Variants in SNX8 observed in about 807,000 individuals in gnomAD.
The protein encoded by SNX8 is sorting nexin-8.
SNX8 carries 25 observed loss-of-function variants against 51.6 expected under a neutral mutation model. The observed-to-expected ratio is 0.48, with a 90% CI of 0.35 to 0.68. The LOEUF (loss-of-function observed/expected upper bound fraction) is 0.68, where lower values mean the gene tolerates loss of function less well. Among genes scored for constraint, SNX8 ranks in the 30% least tolerant of loss-of-function variants. The pLI is 0.00. For synonymous variants in SNX8, 324 were observed against 277.0 expected (o/e 1.17, Z -1.68); for missense variants, 695 against 624.0 (o/e 1.11, Z -1.21).
intron 1 of SNX8, among the ~76,000 whole-genome samples, chr7:2,331,184 CAAAAAAAA>C (rs71023397): frequency 2.6e-5 from 2 of 76,736 alleles, no homozygotes; most frequent in Non-Finnish European, 4.7e-5. Flanking sequence ...GACTCTGTCT[CAAAAAAAA>C]AAAAAAAAAA....
At position 2,271,522 on chromosome 7, in the gene SNX8, T is replaced by C. The variant is rs531595147; in HGVS notation, c.540+328A>G. 2.0e-5 allele frequency among the ~76,000 whole-genome samples: 3 copies of C among 152,230 alleles called. No individual in the cohort carries two copies. The South Asian group carries it at 6.2e-4, about 32-fold the overall frequency. On this transcript the variant is annotated intron_variant, in intron 4 of 10. Transcript: ENST00000222990. ...TGGTCCTTAGTCAGACAGGGCCTTGTTTTAAGTCAACACTTCTTCCCATCT... is the reference window on the plus strand; with the variant it reads ...TGGTCCTTAGTCAGACAGGGCCTTGCTTTAAGTCAACACTTCTTCCCATCT...
At chr7:2,303,831 T>A (rs999052122) in intron 1 of SNX8, among the ~76,000 whole-genome samples, 4 of 151,690 alleles carry the variant, frequency 2.6e-5, no homozygotes, top group African/African-American at 4.8e-5. Flanking sequence ...GGCCGCAGGG[T>A]CCTCTGCCTA....
At chr7:2,336,130 G>A (rs953829080) in intron 1 of SNX8, among the ~76,000 whole-genome samples, 6 of 149,916 alleles carry the variant, frequency 4.0e-5, no homozygotes, top group Admixed American at 6.7e-5. Context: ...GGCTGGGCAC[G>A]GTGGCTCACA....
intron 5 of SNX8, among the ~76,000 whole-genome samples, chr7:2,268,019 T>C (rs1795518772): frequency 6.8e-6 from 1 of 147,086 alleles, no homozygotes; most frequent in Non-Finnish European, 1.5e-5. Context: ...GTCTGGGAGG[T>C]GAGGAGCGTC....
At chr7:2,339,789 G>C (rs1353650161) in intron 1 of SNX8, among the ~76,000 whole-genome samples, 1 of 152,058 alleles carries the variant, frequency 6.6e-6, no homozygotes. Context: ...GGCAGAATTA[G>C]ATATATAAGA....
intron 2 of SNX8, among the ~76,000 whole-genome samples, chr7:2,277,456 G>C (rs1299946077): frequency 6.6e-6 from 1 of 151,942 alleles, no homozygotes; most frequent in East Asian, 1.9e-4. Context: ...AGCGAGGCTG[G>C]TGTGGATCCC....
At chr7:2,281,062 G>A (rs935771152) in intron 1 of SNX8, among the ~76,000 whole-genome samples, 2 of 151,780 alleles carry the variant, frequency 1.3e-5, no homozygotes, top group African/African-American at 4.8e-5. Context: ...CAAAGTGCTG[G>A]GATTACAGGC....
rs758923740 is a variant in SNX8, at chr7:2,256,860, C to T, written c.1284+14G>A. 6.2e-7 allele frequency: 1 copy of T among 1,604,654 alleles called. No individual in the cohort carries two copies. Among genetic ancestry groups the T allele is most frequent in the Non-Finnish European group, 8.5e-7 (1 of 1,174,802 alleles). On this transcript the variant is annotated intron_variant, in intron 10 of 10. Transcript: ENST00000222990. ...GCCGTGGCCGAGACGGCGGCCGGAGCAGGGCGGACTCACCTCCTTGTGCCC... is the reference window on the plus strand; with the variant it reads ...GCCGTGGCCGAGACGGCGGCCGGAGTAGGGCGGACTCACCTCCTTGTGCCC...
At position 2,252,891 on chromosome 7, in the gene SNX8, G is replaced by C. The variant is rs1584655037; in HGVS notation, c.*2165C>G. 3.0e-5 allele frequency: 1 copy of C among 33,148 alleles called. No homozygotes were observed. Among genetic ancestry groups the C allele is most frequent in the African/African-American group, 1.3e-4 (1 of 7,822 alleles). 2.1% of individuals were successfully genotyped at this position (33,148 alleles called of 1,614,324 possible). On this transcript the variant is annotated 3_prime_UTR_variant, in exon 11 of 11. Coordinates refer to ENST00000222990, the MANE Select transcript of SNX8 (RefSeq NM_013321.4). The stretch of plus-strand genomic sequence containing the variant: ...CCTGCTCTCTCACCCCTGCCCCCTT[G>C]CTCTCTCACCCCTGCCCTCCTGTCC...
chr7:2,338,452 A>T (rs1778869126), intron 1 of SNX8, among the ~76,000 whole-genome samples: 1 of 143,476 alleles, frequency 7.0e-6, no homozygotes, highest in African/African-American at 2.5e-5. Context: ...ACAGAGAGAG[A>T]CTGTGTCTCA....
intron 7 of SNX8, among the ~76,000 whole-genome samples, chr7:2,260,626 A>G (rs1795313757): frequency 6.6e-6 from 1 of 152,162 alleles, no homozygotes; most frequent in African/African-American, 2.4e-5. Flanking sequence ...TAACTGGTGT[A>G]AGTACAAGCA....
At chr7:2,277,972 T>G in intron 2 of SNX8, 128 bp downstream of exon 2, 1 of 1,424,530 alleles carries the variant, frequency 7.0e-7, no homozygotes, top group Non-Finnish European at 9.3e-7. Flanking sequence ...TTCTGGATCT[T>G]GCCTGTAAGC....
intron 7 of SNX8, among the ~76,000 whole-genome samples, chr7:2,259,060 C>T (rs1325996818): frequency 5.9e-5 from 9 of 152,208 alleles, no homozygotes; most frequent in East Asian, 1.9e-4. Context: ...CCCGAACACA[C>T]GGTGCTCAGA....
intron 4 of SNX8, among the ~76,000 whole-genome samples, chr7:2,270,146 A>C (rs1795608910): frequency 1.3e-5 from 2 of 151,952 alleles, no homozygotes; most frequent in Admixed American, 6.6e-5. Flanking sequence ...AGCCCCTGGC[A>C]CCGGAGCCCT....
At chr7:2,277,755 C>T (rs1450893574) in intron 2 of SNX8, among the ~76,000 whole-genome samples, 1 of 151,572 alleles carries the variant, frequency 6.6e-6, no homozygotes, top group Non-Finnish European at 1.5e-5. Context: ...TGCAGTGAGC[C>T]GAGATCATGC....
chr7:2,257,882 G>C, intron 7 of SNX8, 79 bp from the exon 8 acceptor site: 2 of 1,376,546 alleles, frequency 1.5e-6, no homozygotes, highest in Non-Finnish European at 2.1e-6. Context: ...CCCAAGCCTG[G>C]CCTGGGCCGG....
chr7:2,293,140 G>A (rs577786228), intron 1 of SNX8, among the ~76,000 whole-genome samples: 188 of 150,310 alleles, frequency 1.3e-3, no homozygotes, highest in Non-Finnish European at 2.4e-3. Context: ...AGTGGCTCAC[G>A]CCTGTAATCA....
chr7:2,260,964 C>T (rs374484932), intron 7 of SNX8, among the ~76,000 whole-genome samples: 18 of 152,322 alleles, frequency 1.2e-4, no homozygotes, highest in African/African-American at 4.3e-4. Flanking sequence ...TGGAAATCAC[C>T]TCATGAGTGA....
chr7:2,338,987 T>C (rs1384112527), intron 1 of SNX8, among the ~76,000 whole-genome samples: 1 of 152,132 alleles, frequency 6.6e-6, no homozygotes, highest in Non-Finnish European at 1.5e-5. Flanking sequence ...CCCAGCTCAC[T>C]GCAGCCTCAA....
Sources: allele counts gnomAD v4.1 joint callset (sites outside exome capture counted in the v4.1 genomes callset), GRCh38; gene constraint gnomAD v4.1.1; transcripts MANE v1.5; gene names NCBI Gene and HGNC (gene_info 2026-07-23, HGNC 2026-07-21).